HYDIN: variants seen among roughly 807,000 people sequenced by gnomAD.
The protein encoded by HYDIN is HYDIN axonemal central pair apparatus protein, also known as axonemal central pair apparatus protein HYDIN.
HYDIN carries 132 observed loss-of-function variants against 403.9 expected under a neutral mutation model. The observed-to-expected ratio is 0.33, with a 90% CI of 0.28 to 0.38. HYDIN has a LOEUF of 0.38. Among genes scored for constraint, HYDIN ranks in the 10% least tolerant of loss-of-function variants. HYDIN has a pLI of 1.00. For synonymous variants in HYDIN, 1,202 were observed against 1,891.7 expected, an observed-to-expected ratio of 0.64 and a Z score of 9.46; for missense variants, 2,827 against 5,009.5, an observed-to-expected ratio of 0.56 and a Z score of 13.15.
intron 83 of HYDIN, among the ~76,000 whole-genome samples, chr16:70,824,225 C>A (rs886115440): frequency 6.8e-6 from 1 of 146,190 alleles, no homozygotes; most frequent in Admixed American, 6.8e-5. Context: ...CATTTTTACT[C>A]CAAAGTCTTT....
chr16:71,205,950 GATAACC>G (rs2088276292), intron 1 of HYDIN, among the ~76,000 whole-genome samples: 1 of 152,152 alleles, frequency 6.6e-6, no homozygotes, highest in Non-Finnish European at 1.5e-5. Flanking sequence ...CTCAACCACT[GATAACC>G]AGGCAGACAA....
intron 36 of HYDIN, among the ~76,000 whole-genome samples, chr16:70,968,642 C>T (rs2143975588): frequency 6.6e-6 from 1 of 152,076 alleles, no homozygotes; most frequent in East Asian, 1.9e-4. Flanking sequence ...AAGGCAGTGC[C>T]CCCTTCTCCT....
At chr16:71,195,254 TAA>T (rs1243299947) in intron 1 of HYDIN, among the ~76,000 whole-genome samples, 24 of 140,104 alleles carry the variant, frequency 1.7e-4, no homozygotes, top group Admixed American at 2.1e-4. Flanking sequence ...AAGTTTGGTT[TAA>T]AAAAAAAAAA....
At chr16:71,106,564 C>G (rs1333480557) in intron 10 of HYDIN, among the ~76,000 whole-genome samples, 2 of 152,140 alleles carry the variant, frequency 1.3e-5, no homozygotes, top group Non-Finnish European at 2.9e-5. Flanking sequence ...ATATCAAAAG[C>G]TTTCAAAAGA....
At chr16:70,871,661 C>A (rs1029292040) in intron 65 of HYDIN, among the ~76,000 whole-genome samples, 17 of 150,302 alleles carry the variant, frequency 1.1e-4, no homozygotes, top group Non-Finnish European at 2.1e-4. Flanking sequence ...GAACCCATCA[C>A]CCCCATTCTA....
At chr16:71,001,215 TGA>T (rs1165037609) in intron 23 of HYDIN, among the ~76,000 whole-genome samples, 2 of 92,476 alleles carry the variant, frequency 2.2e-5, no homozygotes, top group African/African-American at 9.0e-5. Flanking sequence ...TTGAAGATAC[TGA>T]GAGTGAGAGG....
rs572819055 is a variant in HYDIN at position 70,836,663 on chromosome 16, A to G, written c.13243-829T>C. 2.0e-5 allele frequency among the ~76,000 whole-genome samples: 3 copies of G among 152,310 alleles called. No homozygotes were observed. In the South Asian group the frequency reaches 6.2e-4, roughly 32 times the overall value. ...CCACAATGAGCAGCACCCACTGGTC[A>G]CTGTCATGGTCAGTCACTAAATTGC... On this transcript the variant is annotated intron_variant, in intron 77 of 85. Coordinates refer to ENST00000393567, the MANE Select transcript of HYDIN (RefSeq NM_001270974.2).
chr16:71,125,930 G>C (rs1597833941), intron 9 of HYDIN, among the ~76,000 whole-genome samples: 1 of 150,698 alleles, frequency 6.6e-6, no homozygotes, highest in Non-Finnish European at 1.5e-5. Context: ...TATCTGACCT[G>C]CACCACCCAT....
intron 20 of HYDIN, among the ~76,000 whole-genome samples, chr16:71,025,779 T>C (rs1350761156): frequency 6.6e-6 from 1 of 150,520 alleles, no homozygotes; most frequent in Non-Finnish European, 1.5e-5. Context: ...TACATTCAGT[T>C]CTGGGAGTAA....
chr16:70,856,637 C>G (rs1441592009), intron 72 of HYDIN, among the ~76,000 whole-genome samples: 1 of 152,022 alleles, frequency 6.6e-6, no homozygotes, highest in African/African-American at 2.4e-5. Flanking sequence ...GGTTGTTCTT[C>G]TTTAATCTAT....
At chr16:70,831,520 A>C (rs2355678) in intron 80 of HYDIN, among the ~76,000 whole-genome samples, 703 of 129,842 alleles carry the variant, frequency 5.4e-3, no homozygotes, top group South Asian at 0.011. Flanking sequence ...GAAAAAAAAA[A>C]AAAAAAACCA....
At chr16:71,205,534 G>A (rs1309209979) in intron 1 of HYDIN, among the ~76,000 whole-genome samples, 1 of 152,190 alleles carries the variant, frequency 6.6e-6, no homozygotes, top group Non-Finnish European at 1.5e-5. Context: ...CAAGCCTTGG[G>A]CCCCAGAGCA....
At chr16:70,896,119 C>A (rs775033242) in intron 53 of HYDIN, 39 bp from the exon 54 acceptor site, 1 of 1,610,174 alleles carries the variant, frequency 6.2e-7, no homozygotes, top group Admixed American at 1.7e-5. Flanking sequence ...AAAGCAAGAC[C>A]TATAGGTGCT....
chr16:71,219,150 C>T (rs2089053372), intron 1 of HYDIN, among the ~76,000 whole-genome samples: 2 of 152,038 alleles, frequency 1.3e-5, no homozygotes, highest in South Asian at 4.1e-4. Flanking sequence ...CATAGTTGTA[C>T]AGAACATAGA....
intron 62 of HYDIN, among the ~76,000 whole-genome samples, chr16:70,876,131 C>T (rs1489135661): frequency 5.9e-5 from 9 of 151,484 alleles, no homozygotes; most frequent in South Asian, 2.1e-4. Flanking sequence ...AGTTTTTGTC[C>T]GCCCAGAGCA....
chr16:70,971,736 T>A (rs925684993), intron 35 of HYDIN, among the ~76,000 whole-genome samples: 3 of 150,106 alleles, frequency 2.0e-5, no homozygotes, highest in Non-Finnish European at 4.4e-5. Flanking sequence ...CTAAGAAGGG[T>A]TTCTCTATAG....
chr16:71,010,857 G>C (rs2080057750), intron 23 of HYDIN, among the ~76,000 whole-genome samples: 1 of 152,170 alleles, frequency 6.6e-6, no homozygotes, highest in African/African-American at 2.4e-5. Flanking sequence ...TCTAAGCCAA[G>C]GTCTGGGCTT....
At chr16:70,983,862 A>G (rs1038490723) in intron 28 of HYDIN, among the ~76,000 whole-genome samples, 5 of 152,076 alleles carry the variant, frequency 3.3e-5, no homozygotes, top group African/African-American at 1.2e-4. Context: ...CTTAGAAAAT[A>G]ATGAAAATCA....
chr16:71,121,936 G>C (rs2084273407), intron 9 of HYDIN, among the ~76,000 whole-genome samples: 1 of 151,580 alleles, frequency 6.6e-6, no homozygotes, highest in Non-Finnish European at 1.5e-5. Context: ...GACATGCAAA[G>C]AGATTTTTCT....
Sources: gnomAD v4.1 joint callset for allele counts (sites outside exome capture counted in the v4.1 genomes callset) on GRCh38, gnomAD v4.1.1 for gene constraint, MANE v1.5 for transcripts, NCBI Gene and HGNC (gene_info 2026-07-23, HGNC 2026-07-21) for gene names.